SEMA5A: variants seen among roughly 807,000 people sequenced by gnomAD.
SEMA5A encodes semaphorin 5A.
In SEMA5A, 55 loss-of-function variants were observed where a neutral mutation model predicts 135.5. The observed-to-expected ratio is 0.41, with a 90% CI of 0.33 to 0.51. SEMA5A has a LOEUF of 0.51. SEMA5A is among the 20% of genes least tolerant of loss of function. SEMA5A has a pLI of 0.37. For synonymous variants in SEMA5A, 580 were observed against 546.5 expected (o/e 1.06, Z -0.85); for missense variants, 1,290 against 1,419.9 (o/e 0.91, Z 1.47).
At chr5:9,221,540 G>T (rs991508948) in intron 8 of SEMA5A, among the ~76,000 whole-genome samples, 4 of 151,874 alleles carry the variant, frequency 2.6e-5, no homozygotes, top group African/African-American at 9.7e-5. Context: ...CTGACCTCGT[G>T]ATCCGCCCGC....
At chr5:9,092,112 C>T (rs188576080) in intron 16 of SEMA5A, among the ~76,000 whole-genome samples, 7 of 152,260 alleles carry the variant, frequency 4.6e-5, no homozygotes, top group Non-Finnish European at 8.8e-5. Flanking sequence ...GCAAGTCAAC[C>T]AGATTCATAT....
intron 16 of SEMA5A, among the ~76,000 whole-genome samples, chr5:9,090,968 T>A (rs1739000141): frequency 6.6e-6 from 1 of 152,170 alleles, no homozygotes; most frequent in African/African-American, 2.4e-5. Context: ...TAAAACCTCC[T>A]TTGGTAATAG....
chr5:9,229,528 C>T (rs1389773536), intron 6 of SEMA5A, among the ~76,000 whole-genome samples: 1 of 152,034 alleles, frequency 6.6e-6, no homozygotes, highest in African/African-American at 2.4e-5. Flanking sequence ...TCAGAGGAGA[C>T]CCACAAAGAC....
intron 18 of SEMA5A, among the ~76,000 whole-genome samples, chr5:9,062,171 C>A (rs1258826897): frequency 6.6e-6 from 1 of 152,178 alleles, no homozygotes; most frequent in Non-Finnish European, 1.5e-5. Flanking sequence ...TGAACACAAT[C>A]TAGCCTAGAT....
intron 5 of SEMA5A, among the ~76,000 whole-genome samples, chr5:9,255,295 C>G (rs564906945): frequency 6.6e-6 from 1 of 152,316 alleles, no homozygotes; most frequent in East Asian, 1.9e-4. Context: ...CAATTGCTCA[C>G]ACAATCATCC....
At chr5:9,345,000 C>G (rs922824277) in intron 3 of SEMA5A, among the ~76,000 whole-genome samples, 5 of 152,066 alleles carry the variant, frequency 3.3e-5, no homozygotes, top group African/African-American at 1.2e-4. Context: ...ATTTTCTTCC[C>G]CATCACAGCA....
At position 9,244,480 on chromosome 5, in the gene SEMA5A, C is replaced by A. The variant is rs142068991; in HGVS notation, c.271-6590G>T. On this transcript the variant is annotated intron_variant, in intron 5 of 22. Transcript: ENST00000382496. ...ATGCCCACCTAGATAATGGCTGTGCCTCCTACATACCTTTGTTCAAGTGTG... is the reference window on the plus strand; with the variant it reads ...ATGCCCACCTAGATAATGGCTGTGCATCCTACATACCTTTGTTCAAGTGTG... Among the ~76,000 whole-genome samples the A allele has an allele frequency of 1.9e-3, 287 of 152,298 alleles. 1 individual carries two copies. The highest frequency in any genetic ancestry group is 6.4e-3 in the African/African-American group (266 of 41,558).
In SEMA5A at chr5:9,339,540, T is replaced by C. The variant is rs557340325; in HGVS notation, c.125-1728A>G. 9.9e-5 allele frequency among the ~76,000 whole-genome samples: 15 copies of C among 151,802 alleles called. No homozygotes were observed. In the South Asian group the frequency reaches 3.1e-3, roughly 32 times the overall value. The stretch of plus-strand genomic sequence containing the variant: ...GCACATTGAATGCGATAGGAAATAA[T>C]AAATATGTGAAATGAAGTAAGAACA... On this transcript the variant is annotated intron_variant, in intron 3 of 22. Coordinates refer to ENST00000382496, the MANE Select transcript of SEMA5A (RefSeq NM_003966.3).
At chr5:9,377,065 T>C (rs1404277317) in intron 3 of SEMA5A, among the ~76,000 whole-genome samples, 1 of 151,486 alleles carries the variant, frequency 6.6e-6, no homozygotes, top group Non-Finnish European at 1.5e-5. Context: ...GTGTTTTTGA[T>C]TAGGTTAGGG....
At chr5:9,367,491 T>C (rs1754966733) in intron 3 of SEMA5A, 1 of 152,212 alleles carries the variant, frequency 6.6e-6, no homozygotes, top group East Asian at 1.9e-4. Context: ...TATCTATTAT[T>C]CCAAAAAGTA....
At chr5:9,476,610 G>A (rs1759676252) in intron 1 of SEMA5A, among the ~76,000 whole-genome samples, 1 of 152,050 alleles carries the variant, frequency 6.6e-6, no homozygotes, top group Admixed American at 6.6e-5. Flanking sequence ...CCTGGGCTCT[G>A]AATCTCCAGC....
intron 16 of SEMA5A, among the ~76,000 whole-genome samples, chr5:9,103,563 G>T (rs1739742053): frequency 6.6e-6 from 1 of 152,052 alleles, no homozygotes; most frequent in South Asian, 2.1e-4. Flanking sequence ...GCTCCCTGTT[G>T]CTCTCTTAAA....
At chr5:9,304,357 T>C (rs1751756186) in intron 5 of SEMA5A, among the ~76,000 whole-genome samples, 1 of 152,146 alleles carries the variant, frequency 6.6e-6, no homozygotes, top group Non-Finnish European at 1.5e-5. Flanking sequence ...CGATGAACTA[T>C]GTCTATGAAA....
chr5:9,241,474 G>A (rs2150462865), intron 5 of SEMA5A, among the ~76,000 whole-genome samples: 1 of 149,168 alleles, frequency 6.7e-6, no homozygotes, highest in African/African-American at 2.5e-5. Flanking sequence ...TGTTATAGTA[G>A]CCATATGCAC....
At chr5:9,102,414 A>G (rs1478080288) in intron 16 of SEMA5A, among the ~76,000 whole-genome samples, 1 of 152,214 alleles carries the variant, frequency 6.6e-6, no homozygotes, top group Admixed American at 6.5e-5. Context: ...TGTCCATGGA[A>G]CACGAAGATG....
intron 8 of SEMA5A, among the ~76,000 whole-genome samples, chr5:9,209,169 A>C (rs1311630865): frequency 6.6e-6 from 1 of 152,110 alleles, no homozygotes; most frequent in East Asian, 1.9e-4. Context: ...ACAATTCTCC[A>C]TATCTTTAGG....
chr5:9,103,385 G>C (rs760502703), intron 16 of SEMA5A, among the ~76,000 whole-genome samples: 7 of 152,116 alleles, frequency 4.6e-5, no homozygotes, highest in Non-Finnish European at 1.0e-4. Context: ...ATTATCCATT[G>C]TGCCATTATT....
Position 9,343,178 on chromosome 5 carries a change from G to C in SEMA5A, c.125-5366C>G, listed in dbSNP as rs188174079. ...TTTTGCCCATGTTAATAAGGGTGAT[G>C]ATCTACACAAAAACCATTCATCATT... On this transcript the variant is annotated intron_variant, in intron 3 of 22. Transcript: ENST00000382496. 3.4e-4 allele frequency among the ~76,000 whole-genome samples: 51 copies of C among 151,036 alleles called. No homozygotes were observed. The East Asian group carries it at 8.8e-3, about 26-fold the overall frequency.
chr5:9,497,081 G>A (rs1390215069), intron 1 of SEMA5A, among the ~76,000 whole-genome samples: 1 of 152,146 alleles, frequency 6.6e-6, no homozygotes, highest in Non-Finnish European at 1.5e-5. Context: ...GTATCACATG[G>A]TAGCATTTTT....
Sources: allele counts gnomAD v4.1 joint callset (sites outside exome capture counted in the v4.1 genomes callset), GRCh38; gene constraint gnomAD v4.1.1; transcripts MANE v1.5; gene names NCBI Gene and HGNC (gene_info 2026-07-23, HGNC 2026-07-21).